Variants in SLC35D1 observed in about 807,000 individuals in gnomAD.
The protein encoded by SLC35D1 is nucleotide sugar transporter SLC35D1.
In SLC35D1, 31 loss-of-function variants were observed where a neutral mutation model predicts 46.7. That is an observed-to-expected ratio of 0.66 (90% CI 0.50 to 0.90). The LOEUF (loss-of-function observed/expected upper bound fraction) is 0.90, where lower values mean the gene tolerates loss of function less well. Among genes scored for constraint, SLC35D1 ranks in the 40% least tolerant of loss-of-function variants. The probability of loss-of-function intolerance (pLI) is 0.00; values close to 1 mark genes in which losing one functional copy is unlikely to be tolerated. For missense variants in SLC35D1, 397 were observed against 426.2 expected, an observed-to-expected ratio of 0.93 and a Z score of 0.60; for synonymous variants, 195 against 164.6, an observed-to-expected ratio of 1.18 and a Z score of -1.41.
chr1:66,998,978 T>C (rs974929446), downstream of SLC35D1, among the ~76,000 whole-genome samples: 2 of 152,192 alleles, frequency 1.3e-5, no homozygotes, highest in African/African-American at 4.8e-5. Context: ...TGGTATATTT[T>C]ATGTGTATTT....
intron 8 of SLC35D1, among the ~76,000 whole-genome samples, chr1:67,040,875 A>AT (rs1324803165): frequency 5.3e-5 from 8 of 152,296 alleles, no homozygotes; most frequent in Non-Finnish European, 2.9e-5. Flanking sequence ...TTAGAACCAT[A>AT]TATCACACCA....
At chr1:67,051,544 T>G (rs1411358586) in intron 4 of SLC35D1, among the ~76,000 whole-genome samples, 1 of 152,196 alleles carries the variant, frequency 6.6e-6, no homozygotes, top group Admixed American at 6.5e-5. Flanking sequence ...ATTAATAATA[T>G]TTTTATCAGG....
chr1:66,976,763 G>A, the SLC35D1 span: 1 of 1,455,124 alleles, frequency 6.9e-7, no homozygotes, highest in Non-Finnish European at 9.1e-7. Flanking sequence ...ATACATTTTT[G>A]CTAAGCTTTT....
intron 7 of SLC35D1, among the ~76,000 whole-genome samples, chr1:67,043,663 C>T (rs1222099059): frequency 1.3e-5 from 2 of 152,164 alleles, no homozygotes; most frequent in African/African-American, 4.8e-5. Flanking sequence ...GAAGTATTTC[C>T]GAAAACGTGT....
At chr1:67,028,622 G>T (rs10489633) in intron 8 of SLC35D1, among the ~76,000 whole-genome samples, 1 of 151,868 alleles carries the variant, frequency 6.6e-6, no homozygotes, top group African/African-American at 2.4e-5. Context: ...TTTACATTCT[G>T]TGTTTACTGA....
intron 11 of SLC35D1, among the ~76,000 whole-genome samples, chr1:67,008,607 CAAGGCA>C (rs1667498666): frequency 6.6e-6 from 1 of 152,126 alleles, no homozygotes; most frequent in Non-Finnish European, 1.5e-5. Flanking sequence ...TCTTCAAAAG[CAAGGCA>C]AACACAGTCT....
At chr1:67,033,671 T>G (rs1668067523) in intron 8 of SLC35D1, among the ~76,000 whole-genome samples, 1 of 152,244 alleles carries the variant, frequency 6.6e-6, no homozygotes, top group South Asian at 2.1e-4. Context: ...TTCTTCACTG[T>G]GCAGAAGCTT....
rs1645344520 is a variant in SLC35D1 at position 67,053,991 on chromosome 1, T to G, written c.23A>C (p.Gln8Pro). ...GGCTTCTCCTTTAACCCGAGCATGC[T>G]GACGTCTATGAACTTCCGCCATGGC... MAEVHRR[Q>P]HARVKGEAPA... The change falls in exon 1 of 12, where the codon CAG (glutamine) becomes CCG (proline). Residue 8 changes from glutamine (Q) to proline (P), a missense_variant. Physicochemically the swap from Gln to Pro is moderately conservative, Grantham distance 76. Transcript: ENST00000235345. The G allele has an allele frequency of 6.2e-7, 1 of 1,611,950 alleles. No individual in the cohort carries two copies. Among genetic ancestry groups the G allele is most frequent in the African/African-American group, 1.3e-5 (1 of 74,820 alleles).
intron 9 of SLC35D1, 43 bp from the exon 10 acceptor site, chr1:67,020,490 T>C: frequency 7.5e-7 from 1 of 1,332,438 alleles, no homozygotes; most frequent in Non-Finnish European, 1.1e-6. Context: ...TCTCACTTTA[T>C]ACTAATCTCT....
intron 11 of SLC35D1, among the ~76,000 whole-genome samples, chr1:67,006,689 TG>T (rs11313486): frequency 0.79 from 119,948 of 152,012 alleles, 47,741 homozygotes; most frequent in East Asian, 0.88. Context: ...GTCAGTGTAT[TG>T]GAAAAAACAC....
At chr1:66,978,380 C>A in the SLC35D1 span, among the ~76,000 whole-genome samples, 1 of 152,114 alleles carries the variant, frequency 6.6e-6, no homozygotes, top group African/African-American at 2.4e-5. Context: ...GGGTATGATT[C>A]ACCCTTGGAA....
chr1:67,012,307 A>G (rs1308230207), intron 10 of SLC35D1, among the ~76,000 whole-genome samples: 2 of 152,138 alleles, frequency 1.3e-5, no homozygotes, highest in Non-Finnish European at 2.9e-5. Context: ...AAGACCATCT[A>G]TGATAATTAG....
chr1:67,013,505 T>C (rs1361806228), intron 10 of SLC35D1, among the ~76,000 whole-genome samples: 1 of 151,968 alleles, frequency 6.6e-6, no homozygotes, highest in Non-Finnish European at 1.5e-5. Context: ...CAGTGAGCCA[T>C]GATTGTGCCA....
chr1:67,049,893 C>T (rs1553268559), intron 5 of SLC35D1, 43 bp from the exon 6 acceptor site: 1 of 1,402,666 alleles, frequency 7.1e-7, no homozygotes, highest in Admixed American at 1.7e-5. Flanking sequence ...GACTTTATTC[C>T]CACACTCATT....
chr1:66,986,562 C>G, the SLC35D1 span: 2 of 993,508 alleles, frequency 2.0e-6, no homozygotes, highest in Admixed American at 1.8e-5. Context: ...AGGCCTTACC[C>G]CCATGAAGTA....
In SLC35D1 at chr1:67,023,125, C is replaced by T. The variant is rs529366954; in HGVS notation, c.730-1523G>A. On this transcript the variant is annotated intron_variant, in intron 8 of 11. Transcript: ENST00000235345. ...GGTTATTTCCACAAGTTATTATGAA[C>T]CTTTGAACCTTCCGTTACAAGTCTC... Among the ~76,000 whole-genome samples, 200 of 152,234 alleles carry T rather than the reference C, an allele frequency of 1.3e-3. 1 individual carries two copies. Among genetic ancestry groups the T allele is most frequent in the African/African-American group, 4.5e-3 (185 of 41,550 alleles).
chr1:67,026,820 CTT>C (rs996166599), intron 8 of SLC35D1, among the ~76,000 whole-genome samples: 1 of 152,124 alleles, frequency 6.6e-6, no homozygotes, highest in African/African-American at 2.4e-5. Context: ...CCTCAGGAAA[CTT>C]ACAATCATGG....
chr1:67,046,295 A>G (rs1645249953), intron 7 of SLC35D1, among the ~76,000 whole-genome samples: 1 of 152,214 alleles, frequency 6.6e-6, no homozygotes, highest in African/African-American at 2.4e-5. Context: ...AGTACTATCA[A>G]GCAGGTAGGA....
At chr1:67,050,383 C>T in intron 5 of SLC35D1, 50 bp downstream of exon 5, 1 of 1,363,608 alleles carries the variant, frequency 7.3e-7, no homozygotes, top group East Asian at 2.3e-5. Flanking sequence ...ATATGCTGGG[C>T]ACCTTTTCAA....
Sources: gnomAD v4.1 joint callset for allele counts (sites outside exome capture counted in the v4.1 genomes callset) on GRCh38, gnomAD v4.1.1 for gene constraint, MANE v1.5 for transcripts, NCBI Gene and HGNC (gene_info 2026-07-23, HGNC 2026-07-21) for gene names.